Variants in GAB2 observed in about 807,000 individuals in gnomAD.
GAB2 encodes the protein GRB2 associated binding protein 2.
A neutral mutation model predicts 65.5 loss-of-function variants in GAB2; 26 were observed. The ratio of observed to expected loss-of-function variants is 0.40; its 90% CI spans 0.29 to 0.55. The LOEUF is 0.55. GAB2 is among the 20% of genes least tolerant of loss of function. The probability of loss-of-function intolerance (pLI) is 0.53; values close to 1 mark genes in which losing one functional copy is unlikely to be tolerated. For missense variants in GAB2, 884 were observed against 875.8 expected, an observed-to-expected ratio of 1.01 and a Z score of -0.12; for synonymous variants, 321 against 329.6, an observed-to-expected ratio of 0.97 and a Z score of 0.28.
intron 1 of GAB2, among the ~76,000 whole-genome samples, chr11:78,357,097 A>C (rs576433631): frequency 7.2e-5 from 11 of 152,304 alleles, no homozygotes; most frequent in Non-Finnish European, 1.5e-4. Context: ...GTCATGCAAC[A>C]ATGTGAATGT....
At chr11:78,286,626 TA>T (rs889957538) in intron 1 of GAB2, among the ~76,000 whole-genome samples, 5 of 140,780 alleles carry the variant, frequency 3.6e-5, no homozygotes, top group African/African-American at 1.3e-4. Flanking sequence ...TTCAAATTAA[TA>T]AAACTTATAC....
intron 1 of GAB2, among the ~76,000 whole-genome samples, chr11:78,284,027 C>T (rs988637141): frequency 6.6e-6 from 1 of 152,280 alleles, no homozygotes; most frequent in Admixed American, 6.5e-5. Context: ...GGTATCTCAA[C>T]ATTAATGTGT....
chr11:78,306,977 A>G (rs997675069), intron 1 of GAB2, among the ~76,000 whole-genome samples: 8 of 152,238 alleles, frequency 5.3e-5, no homozygotes, highest in Non-Finnish European at 1.2e-4. Context: ...TTGAACATGT[A>G]TCTCTCACCA....
intron 1 of GAB2, among the ~76,000 whole-genome samples, chr11:78,317,558 C>CAAAAAAAAAA (rs370515492): frequency 4.9e-5 from 3 of 60,818 alleles, no homozygotes; most frequent in African/African-American, 1.2e-4. Flanking sequence ...GACTCCGTCT[C>CAAAAAAAAAA]AAAAAAAAAA....
intron 1 of GAB2, among the ~76,000 whole-genome samples, chr11:78,308,355 A>C (rs1475020657): frequency 6.6e-6 from 1 of 152,142 alleles, no homozygotes; most frequent in Non-Finnish European, 1.5e-5. Flanking sequence ...TGACAGAGCA[A>C]GATCCCTACT....
intron 1 of GAB2, among the ~76,000 whole-genome samples, chr11:78,295,465 C>T (rs955040013): frequency 3.3e-5 from 5 of 152,202 alleles, no homozygotes; most frequent in Non-Finnish European, 7.3e-5. Flanking sequence ...CACTTACTCA[C>T]ACCTACACAA....
chr11:78,341,127 C>G (rs1425496715), intron 1 of GAB2, among the ~76,000 whole-genome samples: 1 of 152,190 alleles, frequency 6.6e-6, no homozygotes, highest in Non-Finnish European at 1.5e-5. Flanking sequence ...TCTTACTTTA[C>G]CCTGTACCCC....
intron 2 of GAB2, among the ~76,000 whole-genome samples, chr11:78,262,576 C>T (rs992526869): frequency 7.9e-5 from 12 of 152,130 alleles, no homozygotes; most frequent in Admixed American, 7.2e-4. Context: ...GCTACAGAGC[C>T]TCGCAGGACC....
chr11:78,239,561 C>T (rs1278363480), intron 3 of GAB2, among the ~76,000 whole-genome samples: 1 of 152,062 alleles, frequency 6.6e-6, no homozygotes, highest in Non-Finnish European at 1.5e-5. Flanking sequence ...GAGGGAGAGT[C>T]CCAGAATGCA....
chr11:78,260,382 C>T (rs1015026614), intron 2 of GAB2, among the ~76,000 whole-genome samples: 43 of 152,180 alleles, frequency 2.8e-4, no homozygotes, highest in African/African-American at 9.2e-4. Context: ...CCTGGTCACA[C>T]GTCCTTTTAC....
intron 1 of GAB2, among the ~76,000 whole-genome samples, chr11:78,295,857 T>C (rs981452177): frequency 3.9e-5 from 6 of 152,196 alleles, no homozygotes; most frequent in African/African-American, 1.4e-4. Context: ...ACTCTTGTTA[T>C]TTCTGGTAGT....
At chr11:78,224,081 C>CAAAAAAT (rs1407311774) in intron 5 of GAB2, among the ~76,000 whole-genome samples, 2 of 151,302 alleles carry the variant, frequency 1.3e-5, no homozygotes, top group Non-Finnish European at 2.9e-5. Flanking sequence ...GACTCTGTTT[C>CAAAAAAT]AAAAAATAAA....
chr11:78,226,682 G>C lies in GAB2; in HGVS notation c.990C>G (p.Phe330Leu), dbSNP rs1864669625. 1 of 1,613,914 alleles carries C rather than the reference G, an allele frequency of 6.2e-7. No individual in the cohort carries two copies. Among genetic ancestry groups the C allele is most frequent in the Non-Finnish European group, 8.5e-7 (1 of 1,179,936 alleles). ...PLSAYQIPRT[F>L]TLDKNHNAMT... is the part of the protein sequence containing the mutation. ...TGGCATTGTGGTTTTTGTCCAGAGT[G>C]AATGTCCTAGGGATCTGGTAGGCTG... The change falls in exon 4 of 10, where the codon TTC (phenylalanine) becomes TTG (leucine). Residue 330 changes from phenylalanine to leucine, a missense_variant. Phe to Leu is a conservative substitution (Grantham distance 22, BLOSUM62 0). Coordinates refer to ENST00000361507, the MANE Select transcript of GAB2 (RefSeq NM_080491.3).
At chr11:78,282,382 T>C (rs997928612) in intron 1 of GAB2, among the ~76,000 whole-genome samples, 1 of 151,688 alleles carries the variant, frequency 6.6e-6, no homozygotes, top group African/African-American at 2.4e-5. Flanking sequence ...TCTTGGCTCA[T>C]TGCAACCTCT....
At chr11:78,331,652 C>A (rs1328399545) in intron 1 of GAB2, among the ~76,000 whole-genome samples, 1 of 152,182 alleles carries the variant, frequency 6.6e-6, no homozygotes, top group Non-Finnish European at 1.5e-5. Context: ...ATCCTTACCA[C>A]AGAAAACCTC....
rs186098433 is a variant in GAB2 at position 78,281,497 on chromosome 11, G to A, written c.76-596C>T. The stretch of plus-strand genomic sequence containing the variant: ...CAACCTCAGGTGATCCACCTGCCTC[G>A]GCCTCCCAAAAGTGCTGGGATTACA... On this transcript the variant is annotated intron_variant, in intron 1 of 9. Transcript: ENST00000361507. Among the ~76,000 whole-genome samples, 67 of 152,070 alleles carry A rather than the reference G, an allele frequency of 4.4e-4. No homozygotes were observed. The East Asian group carries it at 9.3e-3, about 21-fold the overall frequency.
At chr11:78,328,225 A>G (rs1298203111) in intron 1 of GAB2, among the ~76,000 whole-genome samples, 2 of 152,226 alleles carry the variant, frequency 1.3e-5, no homozygotes, top group Non-Finnish European at 2.9e-5. Flanking sequence ...AATAATCTCA[A>G]TGGGATGACA....
rs766901119 is a variant in GAB2, at chr11:78,280,899, G to A, written c.78C>T (p.Ala26=). 15 of 1,612,142 alleles carry A rather than the reference G, an allele frequency of 9.3e-6. No individual in the cohort carries two copies. In the African/African-American group the frequency reaches 1.7e-4, roughly 19 times the overall value. Residue 26 remains alanine (A), a splice_region_variant and synonymous_variant, in exon 2 of 10, where the codon GCC becomes GCT. Coordinates refer to ENST00000361507, the MANE Select transcript of GAB2 (RefSeq NM_080491.3). ...GCAGGATAAACCAGCGTTTCTTCCAGGCCTAAATCATATCAGGAAGGAGTA... is the reference window on the plus strand; with the variant it reads ...GCAGGATAAACCAGCGTTTCTTCCAAGCCTAAATCATATCAGGAAGGAGTA... ...SPPEKKLRRY[A]WKKRWFILRS... is the part of the protein sequence containing the mutation.
intron 1 of GAB2, among the ~76,000 whole-genome samples, chr11:78,334,194 C>T (rs1366934363): frequency 2.0e-5 from 3 of 152,116 alleles, no homozygotes; most frequent in African/African-American, 7.2e-5. Flanking sequence ...GTGTAATAAT[C>T]ACATCATGGA....
Sources: allele counts gnomAD v4.1 joint callset (sites outside exome capture counted in the v4.1 genomes callset), GRCh38; gene constraint gnomAD v4.1.1; transcripts MANE v1.5; gene names NCBI Gene and HGNC (gene_info 2026-07-23, HGNC 2026-07-21).